The following TTC14 variants were observed in gnomAD, a reference collection of about 807,000 sequenced individuals.
The protein encoded by TTC14 is tetratricopeptide repeat domain 14.
A neutral mutation model predicts 79.9 loss-of-function variants in TTC14; 63 were observed. The observed-to-expected ratio is 0.79, with a 90% CI of 0.64 to 0.97. The LOEUF (loss-of-function observed/expected upper bound fraction) is 0.97. Among genes scored for constraint, TTC14 ranks in the 50% least tolerant of loss-of-function variants. TTC14 has a pLI of 0.00. For synonymous variants in TTC14, 335 were observed against 309.6 expected (o/e 1.08, Z -0.86); for missense variants, 895 against 894.0 (o/e 1.00, Z -0.01).
Position 180,608,808 on chromosome 3 carries a change from GA to G in TTC14, c.1399del (p.Arg467GlyfsTer2). On this transcript the variant is annotated frameshift_variant and splice_region_variant, in exon 11 of 12. Transcript: ENST00000296015. LOFTEE classifies it high-confidence loss of function. ...TGCGTAAGCTCTTAAAAGAAGAGAA[GA>G]GGTAAACTATAATATTCAGTATTTT... ...KLRKLLKEEKRLKKKRRKSTS... is the reference protein window; with the variant it reads ...KLRKLLKEEKXLKKKRRKSTS... The G allele has an allele frequency of 6.5e-7, 1 of 1,527,936 alleles. No homozygotes were observed. Among genetic ancestry groups the G allele is most frequent in the Admixed American group, 2.4e-5 (1 of 41,434 alleles). 94.6% of individuals were successfully genotyped at this position (1,527,936 alleles called of 1,614,324 possible).
intron 12 of TTC14, chr3:180,616,182 A>T: frequency 2.1e-6 from 2 of 945,202 alleles, no homozygotes; most frequent in Non-Finnish European, 3.4e-6. Context: ...CAGTGAGTGC[A>T]TGGGCCTGCC....
downstream of TTC14, among the ~76,000 whole-genome samples, chr3:180,612,945 A>G (rs1717084685): frequency 6.6e-6 from 1 of 152,214 alleles, no homozygotes; most frequent in African/African-American, 2.4e-5. Context: ...GTATTTTTCA[A>G]AAGAAGAGAT....
intron 12 of TTC14, chr3:180,617,004 G>T: frequency 9.1e-7 from 1 of 1,104,588 alleles, no homozygotes; most frequent in Non-Finnish European, 1.2e-6. Flanking sequence ...TTTAGAATCA[G>T]AAATTGACTT....
chr3:180,604,762 GTATT>G (rs1433480861), intron 5 of TTC14, 86 bp from the exon 6 acceptor site: 32 of 1,445,364 alleles, frequency 2.2e-5, no homozygotes, highest in Non-Finnish European at 2.7e-5. Context: ...AATGGAATTA[GTATT>G]TAAACCTCAA....
At chr3:180,608,439 C>T (rs1716813207) in intron 10 of TTC14, 2 of 1,020,288 alleles carry the variant, frequency 2.0e-6, no homozygotes. Context: ...GTCATGGGTA[C>T]CACTGCAATG....
chr3:180,612,413 A>AC (rs1319700038), downstream of TTC14, among the ~76,000 whole-genome samples: 1 of 151,792 alleles, frequency 6.6e-6, no homozygotes, highest in Non-Finnish European at 1.5e-5. Context: ...ATCATCCCTT[A>AC]CCCCCCTGCC....
In TTC14 at chr3:180,605,015, A is replaced by G; in HGVS notation, c.857+8A>G. 2 of 1,607,372 alleles carry G rather than the reference A, an allele frequency of 1.2e-6. No individual in the cohort carries two copies. Among genetic ancestry groups the G allele is most frequent in the South Asian group, 2.2e-5 (2 of 90,388 alleles). ...AATGAGAGGCCTACAAAGGTATAGTACATCAGTATTACTCTTAGATGGTGA... is the reference window on the plus strand; with the variant it reads ...AATGAGAGGCCTACAAAGGTATAGTGCATCAGTATTACTCTTAGATGGTGA... On this transcript the variant is annotated splice_region_variant and intron_variant, in intron 6 of 11. Coordinates refer to ENST00000296015, the MANE Select transcript of TTC14 (RefSeq NM_133462.4).
Position 180,605,769 on chromosome 3 carries a change from A to G in TTC14, c.861A>G (p.Lys287=). 1 of 1,567,030 alleles carries G rather than the reference A, an allele frequency of 6.4e-7. No homozygotes were observed. The highest frequency in any genetic ancestry group is 8.6e-7 in the Non-Finnish European group (1 of 1,166,386). The stretch of plus-strand genomic sequence containing the variant: ...TAATTTTTATTTTCTTTAATAGCAA[A>G]AATTTCTCTGAAGATGATTTTGCTT... The part of the protein sequence containing the change: ...PPSLMRGLQS[K]NFSEDDFASA... Residue 287 remains lysine, a synonymous_variant, in exon 7 of 12, where the codon AAA becomes AAG. Transcript: ENST00000296015.
intron 6 of TTC14, chr3:180,605,540 C>G: frequency 2.7e-6 from 1 of 376,412 alleles, no homozygotes; most frequent in Non-Finnish European, 4.7e-6. Flanking sequence ...CTCGACCTCC[C>G]AAAGTGTTGG....
chr3:180,607,587 A>G, intron 9 of TTC14, 61 bp from the exon 10 acceptor site: 3 of 1,550,634 alleles, frequency 1.9e-6, no homozygotes, highest in Middle Eastern at 4.4e-4. Flanking sequence ...TTTGACCTGT[A>G]TGCATATTTG....
Position 180,602,372 on chromosome 3 carries a change from G to A in TTC14, c.111G>A (p.Ser37=), listed in dbSNP as rs1342614307. Residue 37 remains serine (S), a synonymous_variant, in exon 1 of 12, where the codon TCG becomes TCA. Transcript: ENST00000296015. ...CACACTTCCGTAGCCTCCTGGGGTC[G>A]GCCGCCGAGCCAGCCCGGGGCCCGC... ...DNPHFRSLLG[S]AAEPARGPPP... 2 of 1,610,940 alleles carry A rather than the reference G, an allele frequency of 1.2e-6. No homozygotes were observed. Among genetic ancestry groups the A allele is most frequent in the South Asian group, 1.1e-5 (1 of 91,002 alleles).
downstream of TTC14, among the ~76,000 whole-genome samples, chr3:180,612,233 T>TAA (rs1717019509): frequency 1.3e-5 from 2 of 152,208 alleles, no homozygotes; most frequent in South Asian, 4.1e-4. Context: ...TAGTTCAGCT[T>TAA]AAAATTTTAA....
At position 180,616,890 on chromosome 3, in the gene TTC14, T is replaced by A. The variant is rs1192412929; in HGVS notation, c.1775-490T>A. 6.3e-7 allele frequency: 1 copy of A among 1,583,984 alleles called. No homozygotes were observed. The highest frequency in any genetic ancestry group is 1.7e-5 in the Admixed American group (1 of 59,394). On this transcript the variant is annotated intron_variant, in intron 12 of 12. Transcript: ENST00000382584. ...CGTTTCTTTACTTAGTTGAAATGAATAAGCCTGCTTCTCTGATAACTTTTC... is the reference window on the plus strand; with the variant it reads ...CGTTTCTTTACTTAGTTGAAATGAAAAAGCCTGCTTCTCTGATAACTTTTC...
downstream of TTC14, chr3:180,614,992 C>T (rs1328461574): frequency 7.0e-6 from 11 of 1,564,608 alleles, no homozygotes; most frequent in Non-Finnish European, 9.5e-6. Flanking sequence ...GAAGGGCTGC[C>T]TACTAGTGAA....
chr3:180,603,647 A>C (rs935539770), intron 3 of TTC14: 14 of 287,618 alleles, frequency 4.9e-5, no homozygotes, highest in South Asian at 7.5e-5. Context: ...TGTATTCTTA[A>C]TTAGTTAATA....
rs1413973392 is a variant in TTC14 at position 180,602,890 on chromosome 3, GAA to G, written c.164_165del (p.Lys55ArgfsTer5). On this transcript the variant is annotated frameshift_variant and splice_region_variant, in exon 2 of 12. Coordinates refer to ENST00000296015, the MANE Select transcript of TTC14 (RefSeq NM_133462.4). LOFTEE classifies it high-confidence loss of function. ...TTCATATATATTTTTTTCTTTTTAA[GAA>G]AAGAGAAGAGAGTTGACAACATCGA... The G allele has an allele frequency of 6.3e-7, 1 of 1,599,490 alleles. No individual in the cohort carries two copies. The highest frequency in any genetic ancestry group is 8.5e-7 in the Non-Finnish European group (1 of 1,176,276).
rs1429533725 is a variant in TTC14, at chr3:180,606,577, C to T, written c.1146C>T (p.Cys382=). The change falls in exon 9 of 12, where the codon TGC becomes TGT. Residue 382 remains cysteine, a synonymous_variant. Transcript: ENST00000296015. ...PTHRNARKYL[C]QTLVERGGQL... Reference sequence around the variant, plus strand: ...ACAGAAATGCAAGAAAATACCTCTGCCAGACACTTGTAGAGAGAGGAGGAC... The same window carrying T: ...ACAGAAATGCAAGAAAATACCTCTGTCAGACACTTGTAGAGAGAGGAGGAC... The T allele has an allele frequency of 6.2e-7, 1 of 1,613,870 alleles. No individual in the cohort carries two copies.
At chr3:180,604,774 C>T in intron 5 of TTC14, 78 bp from the exon 6 acceptor site, 6 of 1,481,792 alleles carry the variant, frequency 4.0e-6, no homozygotes, top group Non-Finnish European at 5.5e-6. Flanking sequence ...ATTTAAACCT[C>T]AAATGATATT....
intron 12 of TTC14, chr3:180,616,804 A>T: frequency 6.2e-7 from 1 of 1,602,842 alleles, no homozygotes; most frequent in Non-Finnish European, 8.5e-7. Context: ...ATGAAAGGTC[A>T]GTTTTTAAAA....
Sources: allele counts gnomAD v4.1 joint callset (sites outside exome capture counted in the v4.1 genomes callset), GRCh38; gene constraint gnomAD v4.1.1; transcripts MANE v1.5; gene names NCBI Gene and HGNC (gene_info 2026-07-23, HGNC 2026-07-21).